The following USP24 variants were observed in gnomAD, a reference collection of about 807,000 sequenced individuals.
USP24 encodes the protein ubiquitin carboxyl-terminal hydrolase 24.
Under a neutral mutation model 361.6 loss-of-function variants are expected in USP24, and 97 were observed. That is an observed-to-expected ratio of 0.27 (90% CI 0.23 to 0.32). The LOEUF (loss-of-function observed/expected upper bound fraction) is 0.32. Ranked by LOEUF, USP24 falls within the 10% of genes least tolerant of loss-of-function variation. The pLI is 1.00. For synonymous variants in USP24, 1,098 were observed against 1,124.6 expected (o/e 0.98, Z 0.47); for missense variants, 2,353 against 3,165.6 (o/e 0.74, Z 6.16).
intron 1 of USP24, among the ~76,000 whole-genome samples, chr1:55,195,934 T>A (rs780788762): frequency 6.6e-6 from 1 of 152,080 alleles, no homozygotes; most frequent in African/African-American, 2.4e-5. Flanking sequence ...GTTGATAAAT[T>A]TTATGTTATG....
chr1:55,180,408 A>G (rs968419490), intron 1 of USP24, among the ~76,000 whole-genome samples: 3 of 152,134 alleles, frequency 2.0e-5, no homozygotes, highest in Admixed American at 1.3e-4. Flanking sequence ...TGTTTTGTCC[A>G]ATAGACTCAC....
rs771396254 is a variant in USP24 at position 55,107,249 on chromosome 1, C to T, written c.4752G>A (p.Lys1584=). The part of the protein sequence containing the change: ...KTLLSLCGAE[K]EMLGSSLIKP... ...TGGAGCAATAATTACCAAGCATTTC[C>T]TTTTCTGCCCCACAGAGTGAAAGAA... The change falls in exon 40 of 68, where the codon AAG becomes AAA. Residue 1584 remains lysine (K), a synonymous_variant. Coordinates refer to ENST00000294383, the MANE Select transcript of USP24 (RefSeq NM_015306.3). 5.0e-6 allele frequency: 8 copies of T among 1,608,308 alleles called. No individual in the cohort carries two copies. The highest frequency in any genetic ancestry group is 6.8e-6 in the Non-Finnish European group (8 of 1,178,050).
At chr1:55,185,397 G>T (rs563037700) in intron 1 of USP24, among the ~76,000 whole-genome samples, 1 of 151,510 alleles carries the variant, frequency 6.6e-6, no homozygotes, top group South Asian at 2.1e-4. Context: ...GAAAAGATCA[G>T]AGTAGAAATA....
chr1:55,169,976 G>C (rs1649288358), intron 5 of USP24, among the ~76,000 whole-genome samples: 2 of 152,090 alleles, frequency 1.3e-5, no homozygotes, highest in South Asian at 4.1e-4. Context: ...AAAGATACTA[G>C]TGAAATTTAG....
chr1:55,204,493 T>C (rs1644655819), intron 1 of USP24, among the ~76,000 whole-genome samples: 2 of 152,306 alleles, frequency 1.3e-5, no homozygotes, highest in South Asian at 4.1e-4. Context: ...AAAATATCAT[T>C]TGATTTCTTG....
chr1:55,107,853 A>AG (rs1553150227), intron 39 of USP24, among the ~76,000 whole-genome samples: 1 of 141,854 alleles, frequency 7.0e-6, no homozygotes, highest in Non-Finnish European at 1.5e-5. Context: ...AAAAAAAAAA[A>AG]AAAAAAAAAA....
intron 12 of USP24, among the ~76,000 whole-genome samples, chr1:55,155,023 A>C (rs1418156323): frequency 1.3e-5 from 2 of 150,552 alleles, no homozygotes; most frequent in African/African-American, 2.5e-5. Flanking sequence ...AAAAAAAAAA[A>C]CCCCATGAGA....
chr1:55,091,537 T>C (rs189421827), intron 54 of USP24, among the ~76,000 whole-genome samples: 16 of 152,332 alleles, frequency 1.1e-4, no homozygotes. Flanking sequence ...CTCCCTGCTC[T>C]GGCACTAAGG....
intron 56 of USP24, among the ~76,000 whole-genome samples, chr1:55,084,696 G>T (rs1645214570): frequency 6.6e-6 from 1 of 152,162 alleles, no homozygotes; most frequent in Non-Finnish European, 1.5e-5. Context: ...AAGATAAAGT[G>T]GGTGGCAAGA....
rs1412962130 is a variant in USP24 at position 55,081,476 on chromosome 1, T to G, written c.6976-52A>C. 12 of 1,532,892 alleles carry G rather than the reference T, an allele frequency of 7.8e-6. No homozygotes were observed. The South Asian group carries it at 1.3e-4, about 17-fold the overall frequency. The allele number at this position is 1,532,892 out of a possible 1,614,324, so 95.0% of individuals were successfully genotyped here. On this transcript the variant is annotated intron_variant, in intron 58 of 67. Transcript: ENST00000294383. ...GTTAGTGTTGTCGTCAGAAATAATA[T>G]GAAGAGGAAGGGACAGGGTTTGCTG...
At chr1:55,108,315 A>C (rs112364554) in intron 39 of USP24, among the ~76,000 whole-genome samples, 3 of 152,168 alleles carry the variant, frequency 2.0e-5, no homozygotes, top group Non-Finnish European at 4.4e-5. Flanking sequence ...TTCATATTGG[A>C]AGTTGAGACT....
chr1:55,104,400 G>A (rs949444234), intron 41 of USP24, among the ~76,000 whole-genome samples: 2 of 152,080 alleles, frequency 1.3e-5, no homozygotes, highest in African/African-American at 4.8e-5. Context: ...AAGATCTTAG[G>A]ATGGCAGCAA....
intron 3 of USP24, among the ~76,000 whole-genome samples, chr1:55,175,214 G>A (rs1433057839): frequency 7.2e-6 from 1 of 139,228 alleles, no homozygotes; most frequent in East Asian, 2.1e-4. Context: ...TGTTTTACTG[G>A]GTCTCTTTTT....
chr1:55,177,748 A>C (rs1169993914), intron 2 of USP24, among the ~76,000 whole-genome samples: 2 of 152,200 alleles, frequency 1.3e-5, no homozygotes, highest in Admixed American at 1.3e-4. Context: ...ATTTCCATTA[A>C]GCTTTTCAAT....
chr1:55,113,672 G>T (rs1646020275), intron 38 of USP24, among the ~76,000 whole-genome samples: 1 of 152,176 alleles, frequency 6.6e-6, no homozygotes, highest in Non-Finnish European at 1.5e-5. Context: ...ACATCAAAAA[G>T]CTATCCACCA....
At position 55,176,459 on chromosome 1, in the gene USP24, G is replaced by A. The variant is rs1352930582; in HGVS notation, c.491-16C>T. On this transcript the variant is annotated splice_polypyrimidine_tract_variant and intron_variant, in intron 2 of 67. Transcript: ENST00000294383. Reference sequence around the variant, plus strand: ...TCGGAAAGACCTTAGTAAAATGCATGAAATAATATACTTTATTTAAGTCAG... The same window carrying A: ...TCGGAAAGACCTTAGTAAAATGCATAAAATAATATACTTTATTTAAGTCAG... 1.9e-6 allele frequency: 3 copies of A among 1,555,426 alleles called. No individual in the cohort carries two copies.
chr1:55,172,668 A>T, intron 3 of USP24, 148 bp from the exon 4 acceptor site: 1 of 806,310 alleles, frequency 1.2e-6, no homozygotes. Context: ...CCATAGCTGT[A>T]GTTCATCTAC....
intron 1 of USP24, among the ~76,000 whole-genome samples, chr1:55,185,050 A>G (rs1043706209): frequency 2.0e-5 from 3 of 151,596 alleles, no homozygotes; most frequent in Non-Finnish European, 4.4e-5. Context: ...CTTGACCTCC[A>G]GGGCTCAAGG....
In USP24 at chr1:55,096,555, C is replaced by T; in HGVS notation, c.6004G>A (p.Glu2002Lys). 5 of 1,613,164 alleles carry T rather than the reference C, an allele frequency of 3.1e-6. No individual in the cohort carries two copies. Among genetic ancestry groups the T allele is most frequent in the Non-Finnish European group, 4.2e-6 (5 of 1,179,562 alleles). ...TVIEEFDLND[E>K]TLEYECFGGE... is the part of the protein sequence containing the mutation. ...CCAAAGCATTCATACTCCAGGGTCT[C>T]GTCATTTAGGTCAAATTCTTCTATA... Residue 2002 changes from glutamate (E) to lysine (K), a missense_variant, in exon 50 of 68, where the codon GAG becomes AAG. This residue lies in a region of USP24 where 598 missense variants were observed against 761.9 expected (regional missense o/e 0.78). Transcript: ENST00000294383.
Sources: allele counts gnomAD v4.1 joint callset (sites outside exome capture counted in the v4.1 genomes callset), GRCh38; gene constraint gnomAD v4.1.1; regional missense constraint gnomAD v4.1.1; transcripts MANE v1.5; gene names NCBI Gene and HGNC (gene_info 2026-07-23, HGNC 2026-07-21).